Variants in GALNT8 observed in about 807,000 individuals in gnomAD.
GALNT8 encodes probable polypeptide N-acetylgalactosaminyltransferase 8.
Under a neutral mutation model 62.7 loss-of-function variants are expected in GALNT8, and 66 were observed. The ratio of observed to expected loss-of-function variants is 1.05; its 90% CI spans 0.86 to 1.29. The LOEUF (loss-of-function observed/expected upper bound fraction) is 1.29, where lower values mean the gene tolerates loss of function less well. Among genes scored for constraint, GALNT8 ranks in the 50% most tolerant of loss-of-function variants. The pLI is 0.00. For missense variants in GALNT8, 771 were observed against 791.8 expected, an observed-to-expected ratio of 0.97 and a Z score of 0.32; for synonymous variants, 288 against 294.3, an observed-to-expected ratio of 0.98 and a Z score of 0.22.
chr12:4,747,322 A>G (rs1015757386), intron 6 of GALNT8, among the ~76,000 whole-genome samples: 3 of 152,080 alleles, frequency 2.0e-5, no homozygotes, highest in Admixed American at 1.3e-4. Context: ...TGTCTTATTC[A>G]TTCTTTGTGA....
chr12:4,743,979 T>C lies in GALNT8; in HGVS notation c.677-538T>C, dbSNP rs551326917. 3.9e-5 allele frequency among the ~76,000 whole-genome samples: 6 copies of C among 152,294 alleles called. No homozygotes were observed. In the South Asian group the frequency reaches 1.2e-3, roughly 32 times the overall value. ...AACAATCTAGGAATAGTGAATCTTG[T>C]TTGCATAATTTTTGGGCTAAATTTA... On this transcript the variant is annotated intron_variant, in intron 3 of 10. Coordinates refer to ENST00000252318, the MANE Select transcript of GALNT8 (RefSeq NM_017417.2).
chr12:4,754,065 A>T (rs1946333593), intron 6 of GALNT8, among the ~76,000 whole-genome samples: 1 of 152,100 alleles, frequency 6.6e-6, no homozygotes, highest in Admixed American at 6.5e-5. Flanking sequence ...GTTCTGAGCT[A>T]CCTAAAGCTG....
At position 4,720,816 on chromosome 12, in the gene GALNT8, T is replaced by A. The variant is rs764801435; in HGVS notation, c.139T>A (p.Leu47Ile). The change falls in exon 1 of 11, where the codon TTA (leucine) becomes ATA (isoleucine). Residue 47 changes from leucine (L) to isoleucine (I), a missense_variant. By Grantham distance (5) the Leu-to-Ile change is conservative (BLOSUM62 2). Coordinates refer to ENST00000252318, the MANE Select transcript of GALNT8 (RefSeq NM_017417.2). ...FTGGLHRELP[L>I]HLNKRYGAVI... Reference sequence around the variant, plus strand: ...GGGTGGTCTCCACAGGGAGCTTCCTTTACATCTGAATAAACGCTACGGGGC... The same window carrying A: ...GGGTGGTCTCCACAGGGAGCTTCCTATACATCTGAATAAACGCTACGGGGC... 6.2e-7 allele frequency: 1 copy of A among 1,612,136 alleles called. No homozygotes were observed. Among genetic ancestry groups the A allele is most frequent in the South Asian group, 1.1e-5 (1 of 91,054 alleles).
rs563456942 is a variant in GALNT8 at position 4,738,421 on chromosome 12, T to A, written c.510-742T>A. ...TGAAACAAGATTGAAAAGTTGAACT[T>A]TATCAAAACTAACTTTGTTTTTCCT... On this transcript the variant is annotated intron_variant, in intron 2 of 10. Transcript: ENST00000252318. 6.6e-5 allele frequency among the ~76,000 whole-genome samples: 10 copies of A among 152,314 alleles called. No individual in the cohort carries two copies. The East Asian group carries it at 1.7e-3, about 26-fold the overall frequency.
intron 2 of GALNT8, among the ~76,000 whole-genome samples, chr12:4,735,405 C>T (rs200320462): frequency 6.6e-6 from 1 of 152,018 alleles, no homozygotes; most frequent in Non-Finnish European, 1.5e-5. Context: ...GTTATCTGCT[C>T]TGGTGGCTGT....
Position 4,726,162 on chromosome 12 carries a change from A to G in GALNT8, c.212-370A>G, listed in dbSNP as rs1278152915. ...GATTTGGAGATTAGCCTGGGTATCT[A>G]CATTAAAAAAAAAATCACAACTGAT... On this transcript the variant is annotated intron_variant, in intron 1 of 10. Coordinates refer to ENST00000252318, the MANE Select transcript of GALNT8 (RefSeq NM_017417.2). The surrounding 1 kb of genome is among the most constrained non-coding windows in gnomAD (Gnocchi z 4.1). Among the ~76,000 whole-genome samples, 1 of 152,130 alleles carries G rather than the reference A, an allele frequency of 6.6e-6. No individual in the cohort carries two copies. The highest frequency in any genetic ancestry group is 1.5e-5 in the Non-Finnish European group (1 of 68,024).
chr12:4,737,973 A>G (rs569643079), intron 2 of GALNT8, among the ~76,000 whole-genome samples: 10 of 152,340 alleles, frequency 6.6e-5, no homozygotes, highest in South Asian at 2.1e-4. Context: ...GTATACTGTT[A>G]TAGCTGCACA....
intron 2 of GALNT8, among the ~76,000 whole-genome samples, chr12:4,736,058 A>G (rs1384154343): frequency 6.6e-6 from 1 of 152,194 alleles, no homozygotes; most frequent in Non-Finnish European, 1.5e-5. Flanking sequence ...AGGAAGAATC[A>G]GGGAAAAAGA....
intron 3 of GALNT8, 99 bp downstream of exon 3, chr12:4,739,428 TTCTCATGTAGGGAAAATAAAAA>T (rs1209078227): frequency 5.2e-5 from 44 of 848,386 alleles, no homozygotes; most frequent in Non-Finnish European, 7.9e-5. Context: ...CACCTTGGGT[TTCTCATGTAGGGAAAATAAAAA>T]GATCATTTGT....
chr12:4,739,062 A>C lies in GALNT8; in HGVS notation c.510-101A>C, dbSNP rs996153687. 3 of 634,266 alleles carry C rather than the reference A, an allele frequency of 4.7e-6. No homozygotes were observed. In the African/African-American group the frequency reaches 5.5e-5, roughly 12 times the overall value. The allele number at this position is 634,266 out of a possible 1,614,324, so 39.3% of individuals were successfully genotyped here. A position where few individuals can be genotyped will look rare whatever the true frequency, so the allele number is the denominator to read the frequency against. On this transcript the variant is annotated intron_variant, in intron 2 of 10. Coordinates refer to ENST00000252318, the MANE Select transcript of GALNT8 (RefSeq NM_017417.2). ...TTCCAGTGAGTTTGAGGGGTGGATG[A>C]ATTGGTCGATATAACATCATACAGA... is the stretch of plus-strand genomic sequence containing the variant.
At chr12:4,747,645 C>T (rs145672378) in intron 6 of GALNT8, among the ~76,000 whole-genome samples, 3 of 152,098 alleles carry the variant, frequency 2.0e-5, no homozygotes, top group Non-Finnish European at 4.4e-5. Context: ...GCTTCCATAT[C>T]TTGACTGTTG....
chr12:4,740,341 C>T (rs1405528742), intron 3 of GALNT8, among the ~76,000 whole-genome samples: 2 of 152,118 alleles, frequency 1.3e-5, no homozygotes, highest in African/African-American at 4.8e-5. Flanking sequence ...ATAATAATAA[C>T]CATTTTATGA....
chr12:4,761,230 C>T lies in GALNT8; in HGVS notation c.1359+87C>T, dbSNP rs1162595734. The T allele has an allele frequency of 1.2e-5, 13 of 1,047,794 alleles. 1 individual carries two copies. In the Admixed American group the frequency reaches 2.3e-4, roughly 19 times the overall value. The allele number at this position is 1,047,794 out of a possible 1,614,324, so 64.9% of individuals were successfully genotyped here. A position where few individuals can be genotyped will look rare whatever the true frequency, so the allele number is the denominator to read the frequency against. The stretch of plus-strand genomic sequence containing the variant: ...AATGGGGAGGGATAAAGCAAAAGTG[C>T]CATCGCAGCCCTAAAGAATTAGGGT... On this transcript the variant is annotated intron_variant, in intron 7 of 10. Transcript: ENST00000252318.
rs765505117 is a variant in GALNT8, at chr12:4,726,799, A to G, written c.479A>G (p.Asn160Ser). 7 of 1,613,644 alleles carry G rather than the reference A, an allele frequency of 4.3e-6. No individual in the cohort carries two copies. The African/African-American group carries it at 9.4e-5, about 22-fold the overall frequency. Reference sequence around the variant, plus strand: ...TACCTCAGCAACCAGCTGCCTCTCAATCGCACCATCCCCGACACGCGAGAC... The same window carrying G: ...TACCTCAGCAACCAGCTGCCTCTCAGTCGCACCATCCCCGACACGCGAGAC... ...NAYLSNQLPL[N>S]RTIPDTRDYR... Residue 160 changes from asparagine (N) to serine (S), a missense_variant, in exon 2 of 11, where the codon AAT becomes AGT. Coordinates refer to ENST00000252318, the MANE Select transcript of GALNT8 (RefSeq NM_017417.2). This position sits in a 1 kb window ranked among gnomAD's most constrained non-coding sequence, Gnocchi z 4.1.
At chr12:4,759,257 C>G (rs1050827531) in intron 6 of GALNT8, among the ~76,000 whole-genome samples, 1 of 151,998 alleles carries the variant, frequency 6.6e-6, no homozygotes, top group African/African-American at 2.4e-5. Context: ...TGGATGTAAC[C>G]TCCACATGAT....
chr12:4,763,805 T>A, intron 8 of GALNT8, 147 bp from the exon 9 acceptor site: 1 of 635,358 alleles, frequency 1.6e-6, no homozygotes, highest in Non-Finnish European at 2.9e-6. Flanking sequence ...GCTTAGAAAA[T>A]GCCTGCCGGG....
intron 3 of GALNT8, among the ~76,000 whole-genome samples, chr12:4,742,496 A>G (rs551908986): frequency 6.6e-6 from 1 of 152,308 alleles, no homozygotes; most frequent in East Asian, 1.9e-4. Flanking sequence ...AGAGAGTTCA[A>G]GTTTCCTTCT....
intron 6 of GALNT8, among the ~76,000 whole-genome samples, chr12:4,758,635 T>TGAGAGA (rs1157841992): frequency 6.3e-5 from 3 of 47,338 alleles, no homozygotes; most frequent in East Asian, 1.2e-3. Flanking sequence ...TGTGTGTGTG[T>TGAGAGA]GTGAGAGAGA....
At position 4,763,340 on chromosome 12, in the gene GALNT8, A is replaced by G; in HGVS notation, c.1447A>G (p.Asn483Asp). The G allele has an allele frequency of 6.2e-6, 10 of 1,612,900 alleles. No individual in the cohort carries two copies. The highest frequency in any genetic ancestry group is 8.5e-6 in the Non-Finnish European group (10 of 1,178,870). Residue 483 changes from asparagine (N) to aspartate (D), a missense_variant, in exon 8 of 11, where the codon AAT becomes GAT. Physicochemically the swap from Asn to Asp is conservative, Grantham distance 23. Transcript: ENST00000252318. ...KCKTFDWYLK[N>D]VYPLLKPLHT... ...TAAAACTTTTGACTGGTACCTGAAA[A>G]ATGTTTATCCACTCTTGAAGCCACT...
Sources: allele counts gnomAD v4.1 joint callset (sites outside exome capture counted in the v4.1 genomes callset), GRCh38; gene constraint gnomAD v4.1.1; non-coding constraint Gnocchi (gnomAD v3.1); transcripts MANE v1.5; gene names NCBI Gene and HGNC (gene_info 2026-07-23, HGNC 2026-07-21).